ABCB5: variants seen among roughly 807,000 people sequenced by gnomAD.
The protein encoded by ABCB5 is ATP binding cassette subfamily B member 5, also known as ATP-binding cassette sub-family B member 5.
Under a neutral mutation model 144.2 loss-of-function variants are expected in ABCB5, and 155 were observed. That is an observed-to-expected ratio of 1.08 (90% confidence interval 0.94 to 1.23). The LOEUF (loss-of-function observed/expected upper bound fraction) is 1.23. Among genes scored for constraint, ABCB5 ranks in the 50% most tolerant of loss-of-function variants. The pLI is 0.00. For missense variants in ABCB5, 1,830 were observed against 1,520.8 expected, an observed-to-expected ratio of 1.20 and a Z score of -3.38; for synonymous variants, 610 against 528.6, an observed-to-expected ratio of 1.15 and a Z score of -2.11.
chr7:20,727,206 G>T lies in ABCB5; in HGVS notation c.2726+66G>T. 3 of 1,131,410 alleles carry T rather than the reference G, an allele frequency of 2.7e-6. No individual in the cohort carries two copies. In the South Asian group the frequency reaches 4.3e-5, roughly 16 times the overall value. The allele number at this position is 1,131,410 out of a possible 1,614,324, so 70.1% of individuals were successfully genotyped here. On this transcript the variant is annotated intron_variant, in intron 22 of 27. Transcript: ENST00000404938. ...TTCTGTAAAGGCAGTACTCTCAAATGACTCCAGTGGTTTGCCTGCTAATTC... is the reference window on the plus strand; with the variant it reads ...TTCTGTAAAGGCAGTACTCTCAAATTACTCCAGTGGTTTGCCTGCTAATTC...
At chr7:20,628,504 T>C (rs1783959725) in intron 3 of ABCB5, among the ~76,000 whole-genome samples, 184 bp from the exon 4 acceptor site, 1 of 152,210 alleles carries the variant, frequency 6.6e-6, no homozygotes, top group Non-Finnish European at 1.5e-5. Flanking sequence ...TTCTTAATTT[T>C]GGTATTTGTT....
chr7:20,730,085 T>C (rs955551767), intron 23 of ABCB5, among the ~76,000 whole-genome samples: 1 of 152,218 alleles, frequency 6.6e-6, no homozygotes, highest in African/African-American at 2.4e-5. Context: ...TAGGCACTGA[T>C]AAGAAAACAG....
At position 20,755,535 on chromosome 7, in the gene ABCB5, G is replaced by A. The variant is rs1783063345; in HGVS notation, c.3685G>A (p.Gly1229Arg). 6.2e-7 allele frequency: 1 copy of A among 1,614,088 alleles called. No homozygotes were observed. Among genetic ancestry groups the A allele is most frequent in the Non-Finnish European group, 8.5e-7 (1 of 1,179,992 alleles). ...NADLIVVLHN[G>R]KIKEQGTHQE... is the part of the protein sequence containing the mutation. ...AGATTTGATAGTGGTTCTGCACAAT[G>A]GAAAGATAAAGGAACAAGGAACTCA... The change falls in exon 28 of 28, where the codon GGA becomes AGA. Residue 1229 changes from glycine (G) to arginine (R), a missense_variant. Coordinates refer to ENST00000404938, the MANE Select transcript of ABCB5 (RefSeq NM_001163941.2).
chr7:20,736,054 G>A (rs912042378), intron 23 of ABCB5, among the ~76,000 whole-genome samples: 1 of 152,198 alleles, frequency 6.6e-6, no homozygotes, highest in African/African-American at 2.4e-5. Flanking sequence ...ATATACAGAT[G>A]AGCATGGGAA....
At chr7:20,670,770 G>A (rs1287284886) in intron 14 of ABCB5, among the ~76,000 whole-genome samples, 7 of 152,192 alleles carry the variant, frequency 4.6e-5, no homozygotes, top group African/African-American at 1.7e-4. Flanking sequence ...TTAGGCAGGC[G>A]TGGTGGCACA....
At chr7:20,678,571 T>A (rs1785685478) in intron 14 of ABCB5, among the ~76,000 whole-genome samples, 1 of 152,124 alleles carries the variant, frequency 6.6e-6, no homozygotes, top group Admixed American at 6.5e-5. Context: ...CTGGCAAATC[T>A]GTAGTGCCAG....
chr7:20,704,495 T>G (rs1291833539), intron 19 of ABCB5, among the ~76,000 whole-genome samples: 1 of 152,190 alleles, frequency 6.6e-6, no homozygotes. Context: ...CTATATGTGG[T>G]GATGAGTAAT....
At chr7:20,676,285 G>A in intron 14 of ABCB5, among the ~76,000 whole-genome samples, 1 of 149,838 alleles carries the variant, frequency 6.7e-6, no homozygotes, top group East Asian at 1.9e-4. Context: ...ATCTCGAAGA[G>A]GTATATACAC....
At chr7:20,679,812 G>A (rs183607921) in intron 14 of ABCB5, among the ~76,000 whole-genome samples, 147 of 152,228 alleles carry the variant, frequency 9.7e-4, no homozygotes, top group Non-Finnish European at 9.9e-4. Flanking sequence ...TGCACTATTG[G>A]GGGGTTTATA....
intron 4 of ABCB5, 125 bp from the exon 5 acceptor site, chr7:20,631,934 C>T: frequency 2.1e-6 from 1 of 468,258 alleles, no homozygotes; most frequent in Non-Finnish European, 3.8e-6. Context: ...TGATAATAAA[C>T]TGCGTGTGGG....
At chr7:20,647,895 T>C (rs1013262380) in intron 10 of ABCB5, 73 bp from the exon 11 acceptor site, 1 of 1,132,496 alleles carries the variant, frequency 8.8e-7, no homozygotes, top group Non-Finnish European at 1.3e-6. Flanking sequence ...ACCATCCTTA[T>C]ACTATTTTTA....
Position 20,731,385 on chromosome 7 carries a change from T to TACAC in ABCB5, c.2867+2933_2867+2934insCACA, listed in dbSNP as rs796972423. 8.8e-4 allele frequency among the ~76,000 whole-genome samples: 129 copies of TACAC among 147,168 alleles called. 4 individuals carry two copies. In the East Asian group the frequency reaches 0.021, roughly 24 times the overall value. ...AAAAAAAAAAATATATATATATATA[T>TACAC]ACATATAAAATTTACTGGATCCTGT... On this transcript the variant is annotated intron_variant, in intron 23 of 27. Transcript: ENST00000404938.
chr7:20,739,875 A>T (rs1336538673), intron 24 of ABCB5, among the ~76,000 whole-genome samples: 1 of 152,196 alleles, frequency 6.6e-6, no homozygotes, highest in Admixed American at 6.5e-5. Context: ...ACTCTAAAAG[A>T]CTGTGAATAT....
chr7:20,677,574 C>T lies in ABCB5; in HGVS notation c.1708-3931C>T, dbSNP rs1785656113. 2.0e-5 allele frequency among the ~76,000 whole-genome samples: 3 copies of T among 152,030 alleles called. 1 individual carries two copies. Among genetic ancestry groups the T allele is most frequent in the Admixed American group, 1.3e-4 (2 of 15,258 alleles). ...CAAAACCCTGTCTCTACTAAAAATA[C>T]AAAAATTAACCGGGTGTGGTGGTGC... is the stretch of plus-strand genomic sequence containing the variant. On this transcript the variant is annotated intron_variant, in intron 14 of 27. Coordinates refer to ENST00000404938, the MANE Select transcript of ABCB5 (RefSeq NM_001163941.2).
chr7:20,668,594 G>GC (rs1239041224), intron 14 of ABCB5, among the ~76,000 whole-genome samples: 1 of 145,106 alleles, frequency 6.9e-6, no homozygotes, highest in Non-Finnish European at 1.5e-5. Flanking sequence ...GGGAGGTGGG[G>GC]GGGGGGGTCA....
At chr7:20,705,600 C>A (rs1441390328) in intron 20 of ABCB5, among the ~76,000 whole-genome samples, 1 of 152,048 alleles carries the variant, frequency 6.6e-6, no homozygotes, top group Non-Finnish European at 1.5e-5. Context: ...TTTTCCTTAT[C>A]ATGCATTTGG....
intron 20 of ABCB5, 108 bp from the exon 21 acceptor site, chr7:20,722,908 A>G (rs535543254): frequency 5.9e-6 from 5 of 840,660 alleles, no homozygotes; most frequent in Non-Finnish European, 9.4e-6. Flanking sequence ...ATTTAAGTAT[A>G]AATTCTTTTT....
chr7:20,628,955 G>A (rs1444362499), intron 4 of ABCB5, 117 bp downstream of exon 4: 2 of 1,186,318 alleles, frequency 1.7e-6, no homozygotes, highest in East Asian at 5.2e-5. Flanking sequence ...TGTATAATAT[G>A]TATTTAAGTC....
intron 5 of ABCB5, among the ~76,000 whole-genome samples, chr7:20,636,979 T>C (rs1027421625): frequency 1.3e-5 from 2 of 152,144 alleles, no homozygotes; most frequent in Admixed American, 1.3e-4. Context: ...ATAGGATACA[T>C]ACATGACAAA....
Sources: allele counts gnomAD v4.1 joint callset (sites outside exome capture counted in the v4.1 genomes callset), GRCh38; gene constraint gnomAD v4.1.1; transcripts MANE v1.5; gene names NCBI Gene and HGNC (gene_info 2026-07-23, HGNC 2026-07-21).